Variants in ZC3HAV1 observed in about 807,000 individuals in gnomAD.
ZC3HAV1 encodes zinc finger CCCH-type antiviral protein 1.
Under a neutral mutation model 86.6 loss-of-function variants are expected in ZC3HAV1, and 41 were observed. The observed-to-expected ratio is 0.47, with a 90% CI of 0.37 to 0.61. The LOEUF is 0.61. Ranked by LOEUF, ZC3HAV1 falls within the 20% of genes least tolerant of loss-of-function variation. ZC3HAV1 has a pLI of 0.00. For missense variants in ZC3HAV1, 964 were observed against 1,141.1 expected, an observed-to-expected ratio of 0.84 and a Z score of 2.24; for synonymous variants, 421 against 432.1, an observed-to-expected ratio of 0.97 and a Z score of 0.32.
rs188668385 is a variant in ZC3HAV1, at chr7:139,055,090, G to A, written c.2187+115C>T. The A allele has an allele frequency of 2.4e-4, 223 of 923,834 alleles. 1 individual carries two copies. Among genetic ancestry groups the A allele is most frequent in the Non-Finnish European group, 3.2e-4 (194 of 599,106 alleles). 57.2% of individuals were successfully genotyped at this position (923,834 alleles called of 1,614,324 possible). On this transcript the variant is annotated intron_variant, in intron 10 of 12. Coordinates refer to ENST00000242351, the MANE Select transcript of ZC3HAV1 (RefSeq NM_020119.4). ...CAGGGCTGAGCCACTGCACCCAGCC[G>A]ATCTAAGAGTTTTGCGGGAGCAATT...
intron 12 of ZC3HAV1, among the ~76,000 whole-genome samples, chr7:139,053,187 A>T (rs1243624921): frequency 6.6e-6 from 1 of 152,210 alleles, no homozygotes; most frequent in African/African-American, 2.4e-5. Context: ...CAGATGGAGT[A>T]GTTTACAAGC....
intron 2 of ZC3HAV1, among the ~76,000 whole-genome samples, chr7:139,085,885 A>G (rs1177457933): frequency 6.6e-6 from 1 of 152,018 alleles, no homozygotes. Context: ...GTGGTGGTGT[A>G]TGGCTGTAAT....
intron 7 of ZC3HAV1, among the ~76,000 whole-genome samples, 155 bp from the exon 8 acceptor site, chr7:139,065,154 A>G (rs1411902558): frequency 6.6e-6 from 1 of 152,164 alleles, no homozygotes; most frequent in East Asian, 1.9e-4. Flanking sequence ...TATGTCACAG[A>G]CTTCTGTGGT....
rs751477174 is a variant in ZC3HAV1 at position 139,055,237 on chromosome 7, C to A, written c.2155G>T (p.Asp719Tyr). The A allele has an allele frequency of 1.2e-6, 2 of 1,613,190 alleles. No homozygotes were observed. The highest frequency in any genetic ancestry group is 2.2e-5 in the South Asian group (2 of 90,812). The stretch of plus-strand genomic sequence containing the variant: ...TTCTTTGAGGATAGGAAGCAAAAGT[C>A]CTCCTGAGGACGAAAGGTCGCAGTT... Reference protein sequence around the residue: ...SLTATFRPQEDFCFLSSKKYK... With the variant: ...SLTATFRPQEYFCFLSSKKYK... The change falls in exon 10 of 13, where the codon GAC (aspartate) becomes TAC (tyrosine). Residue 719 changes from aspartate (D) to tyrosine (Y), a missense_variant. Transcript: ENST00000242351.
rs530499965 is a variant in ZC3HAV1, at chr7:139,069,050, A to G, written c.1873-4051T>C. On this transcript the variant is annotated intron_variant, in intron 7 of 12. Transcript: ENST00000242351. The stretch of plus-strand genomic sequence containing the variant: ...GGTATTCTAAGCTACTCTTGTAAGG[A>G]TAAGTCCTTTTTGTGGTATCTGAAA... 1.4e-4 allele frequency among the ~76,000 whole-genome samples: 22 copies of G among 152,296 alleles called. No homozygotes were observed. The East Asian group carries it at 4.0e-3, about 28-fold the overall frequency.
chr7:139,045,671 G>A lies in ZC3HAV1; in HGVS notation c.*1923C>T, dbSNP rs1319586318. The stretch of plus-strand genomic sequence containing the variant: ...GGAACAGGTTCATGTGAGGGAGGTA[G>A]ATGGAGAGTTCCACTTTGGACATAT... On this transcript the variant is annotated 3_prime_UTR_variant, in exon 13 of 13. Coordinates refer to ENST00000242351, the MANE Select transcript of ZC3HAV1 (RefSeq NM_020119.4). 2.0e-5 allele frequency: 3 copies of A among 152,100 alleles called. No individual in the cohort carries two copies. The highest frequency in any genetic ancestry group is 7.2e-5 in the African/African-American group (3 of 41,418). 9.4% of individuals were successfully genotyped at this position (152,100 alleles called of 1,614,324 possible).
At chr7:139,065,687 C>G (rs571681564) in intron 7 of ZC3HAV1, among the ~76,000 whole-genome samples, 63 of 152,106 alleles carry the variant, frequency 4.1e-4, no homozygotes, top group African/African-American at 1.1e-3. Context: ...AGGTGGATCA[C>G]GAGGTCAAGA....
intron 11 of ZC3HAV1, 141 bp downstream of exon 11, chr7:139,053,824 A>T: frequency 1.2e-6 from 1 of 858,938 alleles, no homozygotes; most frequent in Non-Finnish European, 1.6e-6. Context: ...GAGTTGATAG[A>T]ATGAAAAAAA....
At chr7:139,080,420 G>T (rs746212894) in intron 3 of ZC3HAV1, among the ~76,000 whole-genome samples, 177 bp from the exon 4 acceptor site, 2 of 151,794 alleles carry the variant, frequency 1.3e-5, no homozygotes, top group Admixed American at 6.6e-5. Flanking sequence ...GACACTGACG[G>T]TTTTTTTTGT....
intron 1 of ZC3HAV1, among the ~76,000 whole-genome samples, chr7:139,101,915 T>C (rs1817785105): frequency 6.6e-6 from 1 of 151,974 alleles, no homozygotes; most frequent in East Asian, 1.9e-4. Flanking sequence ...GAGACATTTG[T>C]TCACTTGTTT....
rs1188686112 is a variant in ZC3HAV1, at chr7:139,047,622, G to C, written c.2681C>G (p.Thr894Ser). ...ACTAATCACGCAGGCTTTGTCTTCA[G>C]TATATTCAATCACATATTGTGGGTA... ...QVYPQYVIEYTEDKACVIS is the reference protein window; with the variant it reads ...QVYPQYVIEYSEDKACVIS The change falls in exon 13 of 13, where the codon ACT becomes AGT. Residue 894 changes from threonine to serine, a missense_variant. Thr to Ser is a moderately conservative substitution (Grantham distance 58). Transcript: ENST00000242351. 1.9e-6 allele frequency: 3 copies of C among 1,613,974 alleles called. No homozygotes were observed. In the African/African-American group the frequency reaches 4.0e-5, roughly 22 times the overall value.
In ZC3HAV1 at chr7:139,047,554, G is replaced by T; in HGVS notation, c.*40C>A. 6.2e-7 allele frequency: 1 copy of T among 1,611,878 alleles called. No homozygotes were observed. Among genetic ancestry groups the T allele is most frequent in the South Asian group, 1.1e-5 (1 of 90,350 alleles). On this transcript the variant is annotated 3_prime_UTR_variant, in exon 13 of 13. Coordinates refer to ENST00000242351, the MANE Select transcript of ZC3HAV1 (RefSeq NM_020119.4). ...GGCAATTTAGTTCTGTAAAGGAACA[G>T]AATGGTTATGGCATCCTTCTGACGC...
chr7:139,059,538 A>C (rs959208553), intron 9 of ZC3HAV1, among the ~76,000 whole-genome samples: 1 of 151,854 alleles, frequency 6.6e-6, no homozygotes, highest in South Asian at 2.1e-4. Flanking sequence ...AATCACTTCA[A>C]CCAGGGAGGC....
intron 5 of ZC3HAV1, among the ~76,000 whole-genome samples, chr7:139,077,824 GAC>G (rs1816998085): frequency 6.8e-6 from 1 of 147,380 alleles, no homozygotes; most frequent in African/African-American, 2.6e-5. Flanking sequence ...AAACAAAAAA[GAC>G]AGGTTTAGAC....
At chr7:139,073,715 T>C (rs769666666) in intron 7 of ZC3HAV1, 141 bp downstream of exon 7, 310 of 702,788 alleles carry the variant, frequency 4.4e-4, no homozygotes, top group Non-Finnish European at 6.0e-4. Context: ...GGTCTCGAAC[T>C]CCTGATCTCA....
Position 139,046,469 on chromosome 7 carries a change from C to T in ZC3HAV1, c.*1125G>A, listed in dbSNP as rs974942075. The T allele has an allele frequency of 8.5e-5, 13 of 152,190 alleles. No individual in the cohort carries two copies. Among genetic ancestry groups the T allele is most frequent in the African/African-American group, 2.2e-4 (9 of 41,438 alleles). 9.4% of individuals were successfully genotyped at this position (152,190 alleles called of 1,614,324 possible). A position where few individuals can be genotyped will look rare whatever the true frequency, so the allele number is the denominator to read the frequency against. On this transcript the variant is annotated 3_prime_UTR_variant, in exon 13 of 13. Transcript: ENST00000242351. ...ATGAAAAGCCTGACCTGAGAAAAAG[C>T]CTTCTCTGTAATCATATTAATTAGA...
At chr7:139,078,779 T>TA in intron 4 of ZC3HAV1, 126 bp from the exon 5 acceptor site, 1 of 806,428 alleles carries the variant, frequency 1.2e-6, no homozygotes, top group Non-Finnish European at 1.9e-6. Flanking sequence ...TCCTATGATT[T>TA]ATGTTTTGCC....
In ZC3HAV1 at chr7:139,073,904, A is replaced by G. The variant is rs762902554; in HGVS notation, c.1824T>C (p.Ile608=). 3 of 1,613,840 alleles carry G rather than the reference A, an allele frequency of 1.9e-6. No homozygotes were observed. Among genetic ancestry groups the G allele is most frequent in the Non-Finnish European group, 2.5e-6 (3 of 1,179,860 alleles). Residue 608 remains isoleucine (I), a synonymous_variant, in exon 7 of 13, where the codon ATT becomes ATC. Coordinates refer to ENST00000242351, the MANE Select transcript of ZC3HAV1 (RefSeq NM_020119.4). Reference sequence around the variant, plus strand: ...TGCCAGATTCATTCTTCCAATACCAAATCCATTTGGTGGTGAAGACAGAAT... The same window carrying G: ...TGCCAGATTCATTCTTCCAATACCAGATCCATTTGGTGGTGAAGACAGAAT... ...PANSVFTTKW[I]WYWKNESGTW... is the part of the protein sequence containing the mutation.
At chr7:139,096,011 T>G (rs1027959343) in intron 1 of ZC3HAV1, among the ~76,000 whole-genome samples, 1 of 152,092 alleles carries the variant, frequency 6.6e-6, no homozygotes, top group African/African-American at 2.4e-5. Context: ...TACAATGTTT[T>G]TTTTTGTTTG....
Sources: allele counts gnomAD v4.1 joint callset (sites outside exome capture counted in the v4.1 genomes callset), GRCh38; gene constraint gnomAD v4.1.1; transcripts MANE v1.5; gene names NCBI Gene and HGNC (gene_info 2026-07-23, HGNC 2026-07-21).